Variants in ZNF385B observed in about 807,000 individuals in gnomAD.
ZNF385B encodes zinc finger protein 385B.
Under a neutral mutation model 39.2 loss-of-function variants are expected in ZNF385B, and 23 were observed. That is an observed-to-expected ratio of 0.59 (90% CI 0.42 to 0.83). The LOEUF (loss-of-function observed/expected upper bound fraction) is 0.83. Ranked by LOEUF, ZNF385B falls within the 40% of genes least tolerant of loss-of-function variation. The pLI, the probability that ZNF385B is intolerant of heterozygous loss-of-function variation, is 0.00. For synonymous variants in ZNF385B, 205 were observed against 222.6 expected (o/e 0.92, Z 0.70); for missense variants, 552 against 598.9 (o/e 0.92, Z 0.82).
chr2:179,673,050 G>A (rs567813921), intron 3 of ZNF385B, among the ~76,000 whole-genome samples: 98 of 152,252 alleles, frequency 6.4e-4, no homozygotes, highest in African/African-American at 2.1e-3. Flanking sequence ...AAGAAAAGCC[G>A]TCTGTTTTGG....
chr2:179,523,109 A>G (rs188992744), intron 4 of ZNF385B, among the ~76,000 whole-genome samples: 84 of 152,328 alleles, frequency 5.5e-4, no homozygotes, highest in African/African-American at 1.9e-3. Flanking sequence ...GAAAAGCAAG[A>G]CCTATTAGTG....
intron 3 of ZNF385B, among the ~76,000 whole-genome samples, chr2:179,619,346 T>C (rs1355269812): frequency 6.6e-6 from 1 of 152,226 alleles, no homozygotes; most frequent in African/African-American, 2.4e-5. Context: ...ACTGATTCTC[T>C]CAGATTAATA....
intron 3 of ZNF385B, among the ~76,000 whole-genome samples, chr2:179,616,477 G>GT (rs1244720632): frequency 2.0e-5 from 3 of 150,770 alleles, no homozygotes; most frequent in Non-Finnish European, 4.4e-5. Flanking sequence ...GAGACTACAG[G>GT]TGTATGTCAC....
In ZNF385B at chr2:179,770,621, G is replaced by A. The variant is rs1351698245; in HGVS notation, c.-103C>T. ...AAACAAACTGTTTTTCGGTTTCCAG[G>A]TTAGCCCATAAACATCAATTTAATA... On this transcript the variant is annotated 5_prime_UTR_variant, in exon 2 of 10. Transcript: ENST00000410066. The A allele has an allele frequency of 6.6e-6, 1 of 152,108 alleles. No homozygotes were observed. The highest frequency in any genetic ancestry group is 1.5e-5 in the Non-Finnish European group (1 of 68,030). The allele number at this position is 152,108 out of a possible 1,614,324, so 9.4% of individuals were successfully genotyped here.
intron 1 of ZNF385B, among the ~76,000 whole-genome samples, chr2:179,825,302 A>G (rs2106589008): frequency 6.6e-6 from 1 of 152,252 alleles, no homozygotes; most frequent in Admixed American, 6.5e-5. Flanking sequence ...CTAGTTCCCA[A>G]TGGCTATCTA....
At chr2:179,463,466 C>T (rs1203147341) in intron 6 of ZNF385B, among the ~76,000 whole-genome samples, 1 of 152,046 alleles carries the variant, frequency 6.6e-6, no homozygotes, top group Non-Finnish European at 1.5e-5. Context: ...AACTCATCAC[C>T]TACATTAGGT....
chr2:179,473,877 A>G (rs1026025052), intron 6 of ZNF385B, among the ~76,000 whole-genome samples: 15 of 152,282 alleles, frequency 9.9e-5, no homozygotes, highest in Admixed American at 3.9e-4. Flanking sequence ...TTATGGCTGC[A>G]TAGTATTCCA....
In ZNF385B at chr2:179,493,801, G is replaced by GTATATGCATATATGTATACATATATT. The variant is rs1559338737; in HGVS notation, c.553-10368_553-10367insAATATATGTATACATATATGCATATA. The stretch of plus-strand genomic sequence containing the variant: ...TATATACACATATGTATACATATAT[G>GTATATGCATATATGTATACATATATT]TATATATACATATATATATAGCAGA... On this transcript the variant is annotated intron_variant, in intron 5 of 9. Coordinates refer to ENST00000410066, the MANE Select transcript of ZNF385B (RefSeq NM_152520.6). 7.2e-5 allele frequency among the ~76,000 whole-genome samples: 10 copies of GTATATGCATATATGTATACATATATT among 139,716 alleles called. 1 individual carries two copies. Among genetic ancestry groups the GTATATGCATATATGTATACATATATT allele is most frequent in the African/African-American group, 2.4e-4 (9 of 37,336 alleles). The allele number at this position is 139,716 out of a possible 152,430, so 91.7% of individuals were successfully genotyped here. A position where few individuals can be genotyped will look rare whatever the true frequency, so the allele number is the denominator to read the frequency against.
At chr2:179,828,850 C>T (rs935610975) in intron 1 of ZNF385B, among the ~76,000 whole-genome samples, 1 of 152,014 alleles carries the variant, frequency 6.6e-6, no homozygotes, top group South Asian at 2.1e-4. Flanking sequence ...GATCATCTCA[C>T]GTTTTTATTC....
intron 3 of ZNF385B, among the ~76,000 whole-genome samples, chr2:179,704,819 T>G (rs1265958976): frequency 6.6e-6 from 1 of 152,182 alleles, no homozygotes. Flanking sequence ...GGGATTACCA[T>G]ATGGTACAAT....
chr2:179,561,948 T>C lies in ZNF385B; in HGVS notation c.299-16979A>G, dbSNP rs910268457. Among the ~76,000 whole-genome samples, 8 of 152,218 alleles carry C rather than the reference T, an allele frequency of 5.3e-5. No individual in the cohort carries two copies. The South Asian group carries it at 1.4e-3, about 28-fold the overall frequency. ...CACGTCACTCAATTTGATTACAGGC[T>C]ACCAGCCACTATTCTGTCAATCTGA... On this transcript the variant is annotated intron_variant, in intron 3 of 9. Coordinates refer to ENST00000410066, the MANE Select transcript of ZNF385B (RefSeq NM_152520.6).
At chr2:179,770,283 A>C (rs2106505374) in intron 2 of ZNF385B, among the ~76,000 whole-genome samples, 1 of 152,308 alleles carries the variant, frequency 6.6e-6, no homozygotes, top group East Asian at 1.9e-4. Context: ...CTCTATGAGG[A>C]CAGTCACCTC....
intron 5 of ZNF385B, among the ~76,000 whole-genome samples, chr2:179,493,483 A>G (rs1485581007): frequency 2.0e-5 from 1 of 49,630 alleles, no homozygotes; most frequent in South Asian, 1.0e-3. Context: ...GTGTACACAT[A>G]TGTATAAACG....
chr2:179,521,353 G>GTTTTTTTTTTTTTTTTTTTTTTT (rs56392185), intron 4 of ZNF385B, among the ~76,000 whole-genome samples: 25 of 108,164 alleles, frequency 2.3e-4, no homozygotes, highest in Non-Finnish European at 3.2e-4. Flanking sequence ...CACCTGGCCA[G>GTTTTTTTTTTTTTTTTTTTTTTT]TTTTTTTTTT....
intron 6 of ZNF385B, among the ~76,000 whole-genome samples, chr2:179,463,449 A>G (rs2105480916): frequency 6.6e-6 from 1 of 152,120 alleles, no homozygotes; most frequent in Middle Eastern, 3.4e-3. Flanking sequence ...GGTTTGCTGC[A>G]CCCATCAACT....
chr2:179,446,714 C>T lies in ZNF385B; in HGVS notation c.772G>A (p.Gly258Ser). ...GTGCCAGATTTGAGGAGAAATGAGC[C>T]ACTTTCAGAGCTTGATGGCTGACTG... ...SSSQPSSSES[G>S]SFLLKSGTTP... The change falls in exon 7 of 10, where the codon GGC (glycine) becomes AGC (serine). Residue 258 changes from glycine to serine, a missense_variant. Physicochemically the swap from Gly to Ser is moderately conservative, Grantham distance 56 (BLOSUM62 0). Transcript: ENST00000410066. The T allele has an allele frequency of 6.2e-7, 1 of 1,614,082 alleles. No homozygotes were observed.
intron 3 of ZNF385B, among the ~76,000 whole-genome samples, chr2:179,664,783 ATATATTGATG>A (rs1424977839): frequency 1.3e-5 from 2 of 152,180 alleles, no homozygotes; most frequent in Non-Finnish European, 2.9e-5. Context: ...TATACATATC[ATATATTGATG>A]TAAATGTTTG....
At chr2:179,589,970 A>C (rs1201258691) in intron 3 of ZNF385B, among the ~76,000 whole-genome samples, 1 of 152,252 alleles carries the variant, frequency 6.6e-6, no homozygotes, top group East Asian at 1.9e-4. Flanking sequence ...CAAAGTGATA[A>C]AAATGACAAT....
At chr2:179,613,385 T>TCTCTGAGTCTCACCCAAGGCCCAC (rs1689456212) in intron 3 of ZNF385B, among the ~76,000 whole-genome samples, 2 of 152,092 alleles carry the variant, frequency 1.3e-5, no homozygotes, top group African/African-American at 4.8e-5. Flanking sequence ...CCAAGGCCCA[T>TCTCTGAGTCTCACCCAAGGCCCAC]CTCTGAGTCT....
Sources: allele counts gnomAD v4.1 joint callset (sites outside exome capture counted in the v4.1 genomes callset), GRCh38; gene constraint gnomAD v4.1.1; transcripts MANE v1.5; gene names NCBI Gene and HGNC (gene_info 2026-07-23, HGNC 2026-07-21).